Variants in CTNNA2 observed in about 807,000 individuals in gnomAD.
The protein encoded by CTNNA2 is catenin alpha 2, also known as catenin alpha-2.
A neutral mutation model predicts 101.0 loss-of-function variants in CTNNA2; 42 were observed. The observed-to-expected ratio is 0.42, with a 90% CI of 0.32 to 0.54. The LOEUF (loss-of-function observed/expected upper bound fraction) is 0.54. Among genes scored for constraint, CTNNA2 ranks in the 20% least tolerant of loss-of-function variants. The probability of loss-of-function intolerance (pLI) is 0.14; values close to 1 mark genes in which losing one functional copy is unlikely to be tolerated. For synonymous variants in CTNNA2, 450 were observed against 456.4 expected (o/e 0.99, Z 0.18); for missense variants, 871 against 1,223.1 (o/e 0.71, Z 4.29).
intron 3 of CTNNA2, among the ~76,000 whole-genome samples, chr2:79,783,392 C>T (rs1046452459): frequency 6.6e-6 from 1 of 152,196 alleles, no homozygotes; most frequent in Non-Finnish European, 1.5e-5. Flanking sequence ...ATTATGACTG[C>T]AGGGCCTTCG....
intron 9 of CTNNA2, among the ~76,000 whole-genome samples, chr2:80,495,797 G>C (rs570080101): frequency 3.3e-5 from 5 of 151,904 alleles, no homozygotes. Flanking sequence ...AAAATTAGCC[G>C]GGCATGGTGG....
chr2:79,868,315 C>A (rs538118668), intron 4 of CTNNA2, among the ~76,000 whole-genome samples: 34 of 152,190 alleles, frequency 2.2e-4, no homozygotes, highest in Non-Finnish European at 4.4e-5. Flanking sequence ...TAACCTCCCC[C>A]CAACCCCTGC....
chr2:80,636,328 T>G (rs1558666274), intron 18 of CTNNA2, among the ~76,000 whole-genome samples: 1 of 152,258 alleles, frequency 6.6e-6, no homozygotes, highest in African/African-American at 2.4e-5. Context: ...AATAAAAGAT[T>G]AAAAATTATG....
intron 3 of CTNNA2, among the ~76,000 whole-genome samples, chr2:79,351,646 A>G (rs1677389940): frequency 6.6e-6 from 1 of 152,058 alleles, no homozygotes; most frequent in Admixed American, 6.6e-5. Context: ...ATGACCATGT[A>G]TACCCAATAT....
Position 80,083,156 on chromosome 2 carries a change from T to C in CTNNA2, c.1056+173359T>C, listed in dbSNP as rs994676666. ...CTTGATTCTCTGGACTCCATTATCA[T>C]GAATAGACTGGGGCTGTGAAGTCAT... On this transcript the variant is annotated intron_variant, in intron 7 of 18. Coordinates refer to ENST00000402739, the MANE Select transcript of CTNNA2 (RefSeq NM_001282597.3). Among the ~76,000 whole-genome samples, 5 of 152,132 alleles carry C rather than the reference T, an allele frequency of 3.3e-5. 1 individual carries two copies. The East Asian group carries it at 9.7e-4, about 29-fold the overall frequency.
rs544263891 is a variant in CTNNA2 at position 80,244,952 on chromosome 2, C to G, written c.1057-148259C>G. Reference sequence around the variant, plus strand: ...CAGGTGGGAGACTCTTCACCTGCCCCAAAAACTAGTTTATGTGCATGTGAC... The same window carrying G: ...CAGGTGGGAGACTCTTCACCTGCCCGAAAAACTAGTTTATGTGCATGTGAC... On this transcript the variant is annotated intron_variant, in intron 7 of 18. Transcript: ENST00000402739. Among the ~76,000 whole-genome samples the G allele has an allele frequency of 2.0e-5, 3 of 152,250 alleles. No homozygotes were observed. In the South Asian group the frequency reaches 6.2e-4, roughly 32 times the overall value.
chr2:79,891,248 C>A (rs566510067), intron 6 of CTNNA2, among the ~76,000 whole-genome samples: 2 of 152,048 alleles, frequency 1.3e-5, no homozygotes, highest in Non-Finnish European at 2.9e-5. Context: ...CCAAAACTGA[C>A]CAGATTTGCA....
intron 17 of CTNNA2, among the ~76,000 whole-genome samples, chr2:80,608,651 T>C (rs1320381669): frequency 6.6e-6 from 1 of 151,798 alleles, no homozygotes; most frequent in East Asian, 1.9e-4. Flanking sequence ...CTACTTCCTT[T>C]TGTTAGTCCT....
intron 4 of CTNNA2, among the ~76,000 whole-genome samples, chr2:79,486,760 C>T (rs553675040): frequency 2.8e-4 from 42 of 152,202 alleles, no homozygotes; most frequent in East Asian, 1.7e-3. Context: ...TTTTAATGAT[C>T]GCCATTCTAA....
At chr2:79,729,153 C>T (rs1687048841) in intron 2 of CTNNA2, among the ~76,000 whole-genome samples, 1 of 152,096 alleles carries the variant, frequency 6.6e-6, no homozygotes, top group African/African-American at 2.4e-5. Flanking sequence ...ATTAATTGAA[C>T]TCAATTTTAT....
At chr2:80,163,983 CTGTA>C (rs1420764756) in intron 7 of CTNNA2, among the ~76,000 whole-genome samples, 2 of 151,182 alleles carry the variant, frequency 1.3e-5, no homozygotes, top group Non-Finnish European at 3.0e-5. Flanking sequence ...TTTCATCCTT[CTGTA>C]TGTATGTATT....
intron 3 of CTNNA2, among the ~76,000 whole-genome samples, chr2:79,856,115 G>T (rs1451465730): frequency 6.6e-6 from 1 of 152,180 alleles, no homozygotes; most frequent in Non-Finnish European, 1.5e-5. Context: ...CTCCCATGCT[G>T]TTGTTATATA....
chr2:79,203,364 T>G (rs1185148858), intron 2 of CTNNA2, among the ~76,000 whole-genome samples: 1 of 152,204 alleles, frequency 6.6e-6, no homozygotes, highest in East Asian at 1.9e-4. Context: ...AAGATTTTAT[T>G]TAACTCATAT....
At chr2:79,233,944 G>C (rs1674526473) in intron 2 of CTNNA2, among the ~76,000 whole-genome samples, 1 of 150,298 alleles carries the variant, frequency 6.7e-6, no homozygotes, top group South Asian at 2.1e-4. Flanking sequence ...CATTACATGT[G>C]AGATGCATCT....
intron 7 of CTNNA2, among the ~76,000 whole-genome samples, chr2:79,934,633 G>T (rs1218060877): frequency 6.6e-6 from 1 of 152,158 alleles, no homozygotes; most frequent in Non-Finnish European, 1.5e-5. Flanking sequence ...GTGGCTTAAG[G>T]GACTGGTTGC....
Position 79,732,311 on chromosome 2 carries a change from T to A in CTNNA2, c.103-12076T>A, listed in dbSNP as rs1353367236. 3.3e-5 allele frequency among the ~76,000 whole-genome samples: 5 copies of A among 152,056 alleles called. No individual in the cohort carries two copies. In the East Asian group the frequency reaches 7.7e-4, roughly 23 times the overall value. On this transcript the variant is annotated intron_variant, in intron 2 of 18. Coordinates refer to ENST00000402739, the MANE Select transcript of CTNNA2 (RefSeq NM_001282597.3). ...TGAAGAGAATGGATTTCTAGAACTGTATAAGAACAAGGACTTGACGATTTA... is the reference window on the plus strand; with the variant it reads ...TGAAGAGAATGGATTTCTAGAACTGAATAAGAACAAGGACTTGACGATTTA...
rs1682929590 is a variant in CTNNA2 at position 79,875,290 on chromosome 2, T to C, written c.852+948T>C. ...CCCGGGTCAGAGGACCTGTGAGAAG[T>C]TGGAATTTATTTATCTTATGATCAA... is the stretch of plus-strand genomic sequence containing the variant. On this transcript the variant is annotated intron_variant, in intron 6 of 18. Transcript: ENST00000402739. Among the ~76,000 whole-genome samples the C allele has an allele frequency of 2.0e-5, 3 of 152,146 alleles. No individual in the cohort carries two copies. In the South Asian group the frequency reaches 6.2e-4, roughly 32 times the overall value.
At chr2:80,519,592 T>A (rs1689364763) in intron 9 of CTNNA2, among the ~76,000 whole-genome samples, 1 of 152,228 alleles carries the variant, frequency 6.6e-6, no homozygotes, top group African/African-American at 2.4e-5. Flanking sequence ...CAATAGAGAA[T>A]AATAGGTCAG....
chr2:79,329,076 A>T (rs1279812664), intron 3 of CTNNA2, among the ~76,000 whole-genome samples: 1 of 152,194 alleles, frequency 6.6e-6, no homozygotes, highest in Non-Finnish European at 1.5e-5. Context: ...GCATGAACTC[A>T]TCTTAACTTG....
Sources: gnomAD v4.1 joint callset for allele counts (sites outside exome capture counted in the v4.1 genomes callset) on GRCh38, gnomAD v4.1.1 for gene constraint, MANE v1.5 for transcripts, NCBI Gene and HGNC (gene_info 2026-07-23, HGNC 2026-07-21) for gene names.